THTPA: variants seen among roughly 807,000 people sequenced by gnomAD.
The protein encoded by THTPA is thiamine-triphosphatase.
In THTPA, 16 loss-of-function variants were observed where a neutral mutation model predicts 16.5. The ratio of observed to expected loss-of-function variants is 0.97; its 90% confidence interval spans 0.66 to 1.47. The LOEUF (loss-of-function observed/expected upper bound fraction) is 1.47. Ranked by LOEUF, THTPA falls within the 40% of genes most tolerant of loss-of-function variation. The pLI is 0.00. For missense variants in THTPA, 281 were observed against 280.9 expected (o/e 1.00, Z 0.00); for synonymous variants, 110 against 115.5 (o/e 0.95, Z 0.30).
chr14:23,558,643 C>G, intron 1 of THTPA, 52 bp from the exon 2 acceptor site: 1 of 1,610,184 alleles, frequency 6.2e-7, no homozygotes, highest in East Asian at 2.2e-5. Context: ...GAGCAGAGTC[C>G]AAGTGCTTGT....
the THTPA span, among the ~76,000 whole-genome samples, chr14:23,541,085 C>T: frequency 8.8e-4 from 133 of 151,662 alleles, 1 homozygote; most frequent in Non-Finnish European, 1.3e-3. Flanking sequence ...TTTTGTATTT[C>T]AGTAGAGACG....
chr14:23,536,607 A>G, the THTPA span, among the ~76,000 whole-genome samples: 1 of 152,220 alleles, frequency 6.6e-6, no homozygotes, highest in African/African-American at 2.4e-5. Context: ...ACTATGTTAA[A>G]TGCTTTATGT....
the THTPA span, chr14:23,527,613 C>G: frequency 1.3e-6 from 2 of 1,536,650 alleles, no homozygotes; most frequent in Middle Eastern, 1.7e-4. Flanking sequence ...CTACAAGCAG[C>G]AGCTTCTCAA....
At chr14:23,555,167 T>C (rs1057389933), upstream of THTPA, among the ~76,000 whole-genome samples, 1 of 152,066 alleles carries the variant, frequency 6.6e-6, no homozygotes, top group Non-Finnish European at 1.5e-5. Flanking sequence ...TTTGCATTTT[T>C]AGTAGAGACG....
chr14:23,525,439 A>C, the THTPA span: 7 of 1,536,118 alleles, frequency 4.6e-6, no homozygotes, highest in Non-Finnish European at 6.1e-6. The surrounding 1 kb of genome is among the most constrained non-coding windows in gnomAD (Gnocchi z 5.9). Flanking sequence ...GGCGGTGGAC[A>C]TGTTCCTCGT....
chr14:23,524,552 T>G, the THTPA span: 8 of 1,531,170 alleles, frequency 5.2e-6, no homozygotes, highest in South Asian at 9.6e-5. The surrounding 1 kb of genome is among the most constrained non-coding windows in gnomAD (Gnocchi z 5.6). Context: ...AGCACTGGGC[T>G]GCAGAGATGG....
the THTPA span, chr14:23,522,216 G>T: frequency 6.8e-7 from 1 of 1,478,540 alleles, no homozygotes; most frequent in Non-Finnish European, 9.0e-7. Context: ...ATGGGCACCC[G>T]CAATGGGGGT....
At chr14:23,529,867 G>A in the THTPA span, 1 of 1,252,568 alleles carries the variant, frequency 8.0e-7, no homozygotes, top group Non-Finnish European at 1.1e-6. Flanking sequence ...CTAGAGAAAG[G>A]GCAGGAAACT....
the THTPA span, among the ~76,000 whole-genome samples, chr14:23,540,224 A>G: frequency 6.6e-6 from 1 of 152,196 alleles, no homozygotes; most frequent in Non-Finnish European, 1.5e-5. Context: ...TTCCTGGGCT[A>G]AAGCAATCTG....
At chr14:23,528,196 A>G in the THTPA span, among the ~76,000 whole-genome samples, 1 of 152,198 alleles carries the variant, frequency 6.6e-6, no homozygotes, top group Non-Finnish European at 1.5e-5. Context: ...GGCGTGAGCC[A>G]CCACGCTTGG....
the THTPA span, among the ~76,000 whole-genome samples, chr14:23,541,287 ATTT>A: frequency 3.8e-5 from 5 of 130,056 alleles, no homozygotes; most frequent in Non-Finnish European, 4.9e-5. Flanking sequence ...GATGGACAGG[ATTT>A]TTTTTTTTTT....
chr14:23,554,485 C>T (rs73589279), upstream of THTPA, among the ~76,000 whole-genome samples: 2,460 of 152,112 alleles, frequency 0.016, 73 homozygotes, highest in African/African-American at 0.057. Flanking sequence ...CAAGCTATCC[C>T]GCTGCCTCAA....
the THTPA span, among the ~76,000 whole-genome samples, chr14:23,515,742 C>T: frequency 1.3e-5 from 2 of 152,112 alleles, no homozygotes; most frequent in Non-Finnish European, 2.9e-5. Flanking sequence ...GAGTAAAGTC[C>T]ATGCTGGGCT....
At chr14:23,522,286 C>T in the THTPA span, 50 of 1,503,094 alleles carry the variant, frequency 3.3e-5, 1 homozygote, top group African/African-American at 2.9e-4. Flanking sequence ...GGGCAGTAGC[C>T]GGGGCCTCCC....
chr14:23,526,288 C>G, the THTPA span: 1 of 1,536,170 alleles, frequency 6.5e-7, no homozygotes, highest in East Asian at 2.4e-5. Flanking sequence ...CCTTCTTCAT[C>G]TTGTGAAGGT....
the THTPA span, chr14:23,527,879 C>T: frequency 3.4e-6 from 4 of 1,173,452 alleles, no homozygotes; most frequent in Non-Finnish European, 4.8e-6. Flanking sequence ...CCTTTGGATG[C>T]AGCACTGGCC....
the THTPA span, among the ~76,000 whole-genome samples, chr14:23,520,070 A>C: frequency 6.6e-6 from 1 of 152,158 alleles, no homozygotes; most frequent in Non-Finnish European, 1.5e-5. This position sits in a 1 kb window ranked among gnomAD's most constrained non-coding sequence, Gnocchi z 8.7. Flanking sequence ...TTTTCACCTG[A>C]TGGCTACAGA....
chr14:23,515,079 GAAC>G, the THTPA span, among the ~76,000 whole-genome samples: 19 of 152,118 alleles, frequency 1.2e-4, no homozygotes, highest in Admixed American at 6.5e-4. Flanking sequence ...TGGACAACAA[GAAC>G]AACAACAACA....
At chr14:23,522,207 T>C in the THTPA span, 1 of 1,482,050 alleles carries the variant, frequency 6.7e-7, no homozygotes, top group African/African-American at 1.4e-5. Context: ...TAGGTGCAGA[T>C]GGGCACCCGC....
Sources: allele counts gnomAD v4.1 joint callset (sites outside exome capture counted in the v4.1 genomes callset), GRCh38; gene constraint gnomAD v4.1.1; non-coding constraint Gnocchi (gnomAD v3.1); transcripts MANE v1.5; gene names NCBI Gene and HGNC (gene_info 2026-07-23, HGNC 2026-07-21).